MTMR12: variants seen among roughly 807,000 people sequenced by gnomAD.
The protein encoded by MTMR12 is myotubularin-related protein 12.
MTMR12 carries 33 observed loss-of-function variants against 96.7 expected under a neutral mutation model. The ratio of observed to expected loss-of-function variants is 0.34; its 90% CI spans 0.26 to 0.46. The LOEUF (loss-of-function observed/expected upper bound fraction) is 0.46. MTMR12 is among the 20% of genes least tolerant of loss of function. The pLI, the probability that MTMR12 is intolerant of heterozygous loss-of-function variation, is 1.00. For synonymous variants in MTMR12, 298 were observed against 327.2 expected (o/e 0.91, Z 0.96); for missense variants, 721 against 896.1 (o/e 0.80, Z 2.49).
chr5:32,241,399 C>T (rs1748469744), intron 12 of MTMR12, among the ~76,000 whole-genome samples: 1 of 152,184 alleles, frequency 6.6e-6, no homozygotes, highest in African/African-American at 2.4e-5. Flanking sequence ...CCAACAGTTA[C>T]AGAGTTTCAG....
At chr5:32,310,240 C>G (rs1030641691) in intron 1 of MTMR12, among the ~76,000 whole-genome samples, 1 of 152,170 alleles carries the variant, frequency 6.6e-6, no homozygotes, top group African/African-American at 2.4e-5. Flanking sequence ...GAGGTGGAGG[C>G]TACAGTGAGC....
intron 1 of MTMR12, among the ~76,000 whole-genome samples, chr5:32,284,975 A>G (rs1750471190): frequency 6.6e-6 from 1 of 152,202 alleles, no homozygotes; most frequent in South Asian, 2.1e-4. Context: ...TTATGGCACA[A>G]AGGAAAGGCA....
At chr5:32,309,445 G>T (rs939068021) in intron 1 of MTMR12, among the ~76,000 whole-genome samples, 3 of 152,136 alleles carry the variant, frequency 2.0e-5, no homozygotes, top group African/African-American at 7.2e-5. Context: ...CTGAATGAGA[G>T]AAAATATTTA....
chr5:32,302,944 C>A, intron 1 of MTMR12, among the ~76,000 whole-genome samples: 1 of 152,150 alleles, frequency 6.6e-6, no homozygotes, highest in South Asian at 2.1e-4. Flanking sequence ...AGAGTTACCA[C>A]ACAAGGAACT....
At chr5:32,250,398 G>A (rs115045173) in intron 8 of MTMR12, among the ~76,000 whole-genome samples, 2,349 of 152,266 alleles carry the variant, frequency 0.015, 32 homozygotes, top group Non-Finnish European at 0.024. Flanking sequence ...CCTTTCTTGG[G>A]GCCAAGCCAC....
rs910431300 is a variant in MTMR12, at chr5:32,233,441, C to T, written c.1674+332G>A. Among the ~76,000 whole-genome samples, 3 of 146,590 alleles carry T rather than the reference C, an allele frequency of 2.0e-5. No individual in the cohort carries two copies. Among genetic ancestry groups the T allele is most frequent in the Non-Finnish European group, 4.5e-5 (3 of 67,314 alleles). Reference sequence around the variant, plus strand: ...AAGTAAAACCCACACAATCAATGTTCCTTTTACTCTACTAACACACACACA... The same window carrying T: ...AAGTAAAACCCACACAATCAATGTTTCTTTTACTCTACTAACACACACACA... On this transcript the variant is annotated intron_variant, in intron 15 of 15. Coordinates refer to ENST00000382142, the MANE Select transcript of MTMR12 (RefSeq NM_001040446.3). The surrounding 1 kb of genome is among the most constrained non-coding windows in gnomAD (Gnocchi z 5.0).
In MTMR12 at chr5:32,229,903, G is replaced by T; in HGVS notation, c.2119C>A (p.Pro707Thr). 1 of 1,613,356 alleles carries T rather than the reference G, an allele frequency of 6.2e-7. No individual in the cohort carries two copies. Among genetic ancestry groups the T allele is most frequent in the Non-Finnish European group, 8.5e-7 (1 of 1,179,518 alleles). Residue 707 changes from proline to threonine, a missense_variant, in exon 16 of 16, where the codon CCT (proline) becomes ACT (threonine). Physicochemically the swap from Pro to Thr is conservative, Grantham distance 38 (BLOSUM62 -1). Transcript: ENST00000382142. ...RNSARLSSLF[P>T]FALLQRHSSK... ...GAATGTCGCTGGAGCAGAGCGAAAG[G>T]AAACAAAGACGAGAGGCGGGCAGAG...
At chr5:32,269,550 C>G (rs923484224) in intron 5 of MTMR12, among the ~76,000 whole-genome samples, 2 of 152,192 alleles carry the variant, frequency 1.3e-5, no homozygotes, top group Admixed American at 1.3e-4. Flanking sequence ...GGTGATCCAC[C>G]CACCTCGGCC....
At chr5:32,248,428 G>GT (rs201645685) in intron 9 of MTMR12, among the ~76,000 whole-genome samples, 2,988 of 131,030 alleles carry the variant, frequency 0.023, 35 homozygotes, top group Non-Finnish European at 0.027. Flanking sequence ...TCTACTTTGG[G>GT]TTTTTTTTGC....
intron 1 of MTMR12, among the ~76,000 whole-genome samples, chr5:32,277,226 AG>A (rs1231430407): frequency 2.0e-5 from 3 of 152,166 alleles, no homozygotes; most frequent in Non-Finnish European, 4.4e-5. Flanking sequence ...TTCTAACTAA[AG>A]GAAGACAGAA....
chr5:32,236,226 C>T (rs1748221720), intron 13 of MTMR12, among the ~76,000 whole-genome samples: 1 of 152,150 alleles, frequency 6.6e-6, no homozygotes, highest in African/African-American at 2.4e-5. Flanking sequence ...AGACATGGTG[C>T]CTGCCAGTCC....
At chr5:32,270,183 T>A (rs745637140) in intron 5 of MTMR12, among the ~76,000 whole-genome samples, 66 of 151,686 alleles carry the variant, frequency 4.4e-4, no homozygotes, top group Non-Finnish European at 7.9e-4. Flanking sequence ...TCAGCCGGGG[T>A]GACAGAGTGA....
At chr5:32,260,042 A>G (rs1338189343) in intron 7 of MTMR12, among the ~76,000 whole-genome samples, 1 of 150,936 alleles carries the variant, frequency 6.6e-6, no homozygotes, top group Admixed American at 6.6e-5. Flanking sequence ...TCTCCCAAAA[A>G]AAAAAAAAAA....
chr5:32,262,462 A>G (rs545683216), intron 7 of MTMR12, among the ~76,000 whole-genome samples: 1 of 151,774 alleles, frequency 6.6e-6, no homozygotes, highest in African/African-American at 2.4e-5. Context: ...TTAGACAGGC[A>G]TGGTGGTGCA....
At chr5:32,302,158 C>G (rs1211049665) in intron 1 of MTMR12, among the ~76,000 whole-genome samples, 2 of 152,126 alleles carry the variant, frequency 1.3e-5, no homozygotes, top group African/African-American at 2.4e-5. Context: ...GCCTGTGCAC[C>G]AGCCAGGCCT....
chr5:32,283,690 C>T (rs1487302318), intron 1 of MTMR12, among the ~76,000 whole-genome samples: 1 of 152,158 alleles, frequency 6.6e-6, no homozygotes, highest in Admixed American at 6.5e-5. Flanking sequence ...CAGGTAAAAG[C>T]GAGCAACACA....
At position 32,263,107 on chromosome 5, in the gene MTMR12, G is replaced by C. The variant is rs1438298717; in HGVS notation, c.713+6C>G. 1.9e-6 allele frequency: 3 copies of C among 1,614,060 alleles called. No individual in the cohort carries two copies. The highest frequency in any genetic ancestry group is 2.5e-6 in the Non-Finnish European group (3 of 1,179,962). Reference sequence around the variant, plus strand: ...GTACAGCATGTGCCCAGCATGGAAAGCTTACCTCTCACAGACTTTATAGCC... The same window carrying C: ...GTACAGCATGTGCCCAGCATGGAAACCTTACCTCTCACAGACTTTATAGCC... On this transcript the variant is annotated splice_donor_region_variant and intron_variant, in intron 7 of 15. Coordinates refer to ENST00000382142, the MANE Select transcript of MTMR12 (RefSeq NM_001040446.3).
chr5:32,268,619 A>T lies in MTMR12; in HGVS notation c.583+82T>A. The T allele has an allele frequency of 2.6e-6, 3 of 1,154,016 alleles. No homozygotes were observed. In the South Asian group the frequency reaches 3.8e-5, roughly 14 times the overall value. 71.5% of individuals were successfully genotyped at this position (1,154,016 alleles called of 1,614,324 possible). A position where few individuals can be genotyped will look rare whatever the true frequency, so the allele number is the denominator to read the frequency against. ...GACAGGAAAAAACAAAACAACCCAT[A>T]GATGTGTTCTCCCCCACTGGCTTCA... On this transcript the variant is annotated intron_variant, in intron 6 of 15. Transcript: ENST00000382142.
intron 1 of MTMR12, among the ~76,000 whole-genome samples, chr5:32,300,030 A>C (rs571587370): frequency 1.9e-3 from 293 of 152,260 alleles, no homozygotes; most frequent in African/African-American, 6.8e-3. Flanking sequence ...TGCCTCCCTC[A>C]TAAGTAGGCA....
Sources: allele counts gnomAD v4.1 joint callset (sites outside exome capture counted in the v4.1 genomes callset), GRCh38; gene constraint gnomAD v4.1.1; non-coding constraint Gnocchi (gnomAD v3.1); transcripts MANE v1.5; gene names NCBI Gene and HGNC (gene_info 2026-07-23, HGNC 2026-07-21).